PRKRIP1: variants seen among roughly 807,000 people sequenced by gnomAD.
The protein encoded by PRKRIP1 is PRKR interacting protein 1.
A neutral mutation model predicts 29.3 loss-of-function variants in PRKRIP1; 29 were observed. That is an observed-to-expected ratio of 0.99 (90% CI 0.74 to 1.35). PRKRIP1 has a LOEUF of 1.35. Among genes scored for constraint, PRKRIP1 ranks in the 40% most tolerant of loss-of-function variants. The pLI is 0.00. For synonymous variants in PRKRIP1, 90 were observed against 85.1 expected, an observed-to-expected ratio of 1.06 and a Z score of -0.32; for missense variants, 247 against 236.8, an observed-to-expected ratio of 1.04 and a Z score of -0.28.
chr7:102,421,892 G>A (rs1474231195), intron 5 of PRKRIP1, among the ~76,000 whole-genome samples: 1 of 152,024 alleles, frequency 6.6e-6, no homozygotes, highest in Admixed American at 6.6e-5. Flanking sequence ...AGCCGATCCA[G>A]GTGTTCTCAT....
At chr7:102,397,979 G>A (rs189622304) in intron 2 of PRKRIP1, among the ~76,000 whole-genome samples, 4 of 151,810 alleles carry the variant, frequency 2.6e-5, no homozygotes, top group Non-Finnish European at 4.4e-5. Context: ...CCCAGGAGGC[G>A]GAGCTTGCAG....
intron 5 of PRKRIP1, among the ~76,000 whole-genome samples, chr7:102,412,686 G>A (rs1796420343): frequency 6.6e-6 from 1 of 152,274 alleles, no homozygotes; most frequent in East Asian, 1.9e-4. Context: ...ACCGAGTTGC[G>A]CCCCAAGGTG....
intron 5 of PRKRIP1, among the ~76,000 whole-genome samples, chr7:102,416,135 G>T (rs1448776200): frequency 6.6e-6 from 1 of 152,258 alleles, no homozygotes; most frequent in Non-Finnish European, 1.5e-5. Flanking sequence ...CCATGGGGTT[G>T]TGTGTGCCCT....
intron 5 of PRKRIP1, among the ~76,000 whole-genome samples, chr7:102,421,456 G>A (rs1228209139): frequency 2.0e-5 from 3 of 151,452 alleles, no homozygotes; most frequent in African/African-American, 7.3e-5. Context: ...ACGGTGAGCC[G>A]TGATCACACC....
chr7:102,403,667 G>A (rs1192867554), intron 3 of PRKRIP1, among the ~76,000 whole-genome samples: 4 of 152,178 alleles, frequency 2.6e-5, no homozygotes, highest in Non-Finnish European at 4.4e-5. Flanking sequence ...ATGAGCCATT[G>A]TGCCCAAACC....
At chr7:102,407,926 G>A (rs1554572059) in intron 5 of PRKRIP1, among the ~76,000 whole-genome samples, 1 of 152,148 alleles carries the variant, frequency 6.6e-6, no homozygotes, top group African/African-American at 2.4e-5. Context: ...GTCTTTTTGT[G>A]TCTCTCTGGC....
intron 1 of PRKRIP1, among the ~76,000 whole-genome samples, chr7:102,397,159 C>T (rs1586670941): frequency 6.6e-6 from 1 of 152,214 alleles, no homozygotes; most frequent in East Asian, 1.9e-4. Flanking sequence ...TGAAAAAAGC[C>T]ACGACAGAGG....
intron 3 of PRKRIP1, among the ~76,000 whole-genome samples, chr7:102,399,971 A>T (rs1318504749): frequency 4.6e-5 from 7 of 151,402 alleles, no homozygotes; most frequent in Non-Finnish European, 8.8e-5. Context: ...ATTGCACTCC[A>T]GCCTGGGCAA....
chr7:102,426,650 C>G lies in PRKRIP1; in HGVS notation c.*1539C>G, dbSNP rs1246949386. The G allele has an allele frequency of 2.0e-5, 3 of 152,772 alleles. No individual in the cohort carries two copies. The highest frequency in any genetic ancestry group is 2.9e-5 in the Non-Finnish European group (2 of 68,138). The allele number at this position is 152,772 out of a possible 1,614,324, so 9.5% of individuals were successfully genotyped here. ...CGGAGAGTCAGCCCTAATAAATGAG[C>G]ACATGCCCTGGCTGTACATTTTGAA... On this transcript the variant is annotated 3_prime_UTR_variant, in exon 6 of 6. Coordinates refer to ENST00000397912, the MANE Select transcript of PRKRIP1 (RefSeq NM_024653.4).
chr7:102,402,701 A>T (rs950694123), intron 3 of PRKRIP1, among the ~76,000 whole-genome samples: 120 of 151,992 alleles, frequency 7.9e-4, no homozygotes, highest in African/African-American at 2.8e-3. Context: ...TCTGAGATTT[A>T]AAAAAAAGGC....
In PRKRIP1 at chr7:102,407,502, A is replaced by G. The variant is rs1459077257; in HGVS notation, c.457+4A>G. The G allele has an allele frequency of 6.2e-7, 1 of 1,608,418 alleles. No homozygotes were observed. On this transcript the variant is annotated splice_donor_region_variant and intron_variant, in intron 5 of 5. Transcript: ENST00000397912. ...CTTGAACAGAAGAAACAAGAAGGTG[A>G]GTGGTGCCCACTTTTCTTGGCTGTA...
In PRKRIP1 at chr7:102,404,664, G is replaced by C. The variant is rs782636694; in HGVS notation, c.373G>C (p.Ala125Pro). The change falls in exon 4 of 6, where the codon GCA (alanine) becomes CCA (proline). Residue 125 changes from alanine to proline, a missense_variant. This residue lies in a region of PRKRIP1 where 134 missense variants were observed against 126.6 expected (regional missense o/e 1.06). Coordinates refer to ENST00000397912, the MANE Select transcript of PRKRIP1 (RefSeq NM_024653.4). The part of the protein sequence containing the change: ...KNKIAAEEQT[A>P]KRRKKRQKLK... ...TAAAATTGCTGCAGAGGAGCAGACC[G>C]CAAAGCGCCGGAAGAAGCGGTAAGC... 2.0e-5 allele frequency: 33 copies of C among 1,613,392 alleles called. No individual in the cohort carries two copies. The highest frequency in any genetic ancestry group is 2.5e-5 in the Non-Finnish European group (30 of 1,179,690).
At chr7:102,408,992 G>A (rs1796304183) in intron 5 of PRKRIP1, among the ~76,000 whole-genome samples, 1 of 151,964 alleles carries the variant, frequency 6.6e-6, no homozygotes, top group African/African-American at 2.4e-5. Context: ...TGGCCAACGT[G>A]GTGAAACCCC....
intron 5 of PRKRIP1, among the ~76,000 whole-genome samples, chr7:102,419,207 C>A (rs1310632946): frequency 5.3e-5 from 8 of 151,938 alleles, no homozygotes; most frequent in Non-Finnish European, 8.8e-5. Flanking sequence ...TGCGGTCAGG[C>A]GTTCAAGACC....
intron 3 of PRKRIP1, among the ~76,000 whole-genome samples, chr7:102,400,540 G>A (rs1796038083): frequency 6.6e-6 from 1 of 152,126 alleles, no homozygotes; most frequent in Non-Finnish European, 1.5e-5. Flanking sequence ...TATCTGGTTG[G>A]GGTCACGGTT....
At chr7:102,417,940 A>G (rs1399670092) in intron 5 of PRKRIP1, among the ~76,000 whole-genome samples, 1 of 151,730 alleles carries the variant, frequency 6.6e-6, no homozygotes, top group African/African-American at 2.4e-5. Context: ...TCCTGGTACT[A>G]TAGGATATTC....
intron 2 of PRKRIP1, among the ~76,000 whole-genome samples, chr7:102,398,334 T>C (rs1554570718): frequency 6.6e-6 from 1 of 151,972 alleles, no homozygotes; most frequent in Non-Finnish European, 1.5e-5. Context: ...ACCCAGGCTG[T>C]AGTGCAGTGA....
Position 102,425,655 on chromosome 7 carries a change from C to G in PRKRIP1, c.*544C>G, listed in dbSNP as rs1474082428. On this transcript the variant is annotated 3_prime_UTR_variant, in exon 6 of 6. Coordinates refer to ENST00000397912, the MANE Select transcript of PRKRIP1 (RefSeq NM_024653.4). ...CGCCATAGAGGGTCTGCTCCCACTG[C>G]AGCTCCCGGTGCTCTCGTGTTCTGG... 1 of 200,832 alleles carries G rather than the reference C, an allele frequency of 5.0e-6. No individual in the cohort carries two copies. Among genetic ancestry groups the G allele is most frequent in the Non-Finnish European group, 1.0e-5 (1 of 97,726 alleles). 12.4% of individuals were successfully genotyped at this position (200,832 alleles called of 1,614,324 possible). A position where few individuals can be genotyped will look rare whatever the true frequency, so the allele number is the denominator to read the frequency against.
intron 1 of PRKRIP1, 149 bp downstream of exon 1, chr7:102,396,686 G>A (rs902727883): frequency 1.2e-6 from 1 of 801,346 alleles, no homozygotes; most frequent in Non-Finnish European, 1.9e-6. Context: ...GGAGGAGGAG[G>A]AGAAGGAGGC....
Sources: gnomAD v4.1 joint callset for allele counts (sites outside exome capture counted in the v4.1 genomes callset) on GRCh38, gnomAD v4.1.1 for gene constraint, gnomAD v4.1.1 regional missense constraint, MANE v1.5 for transcripts, NCBI Gene and HGNC (gene_info 2026-07-23, HGNC 2026-07-21) for gene names.